The following FSTL5 variants were observed in gnomAD, a reference collection of about 807,000 sequenced individuals.
The protein encoded by FSTL5 is follistatin like 5, also known as follistatin-related protein 5.
Under a neutral mutation model 89.1 loss-of-function variants are expected in FSTL5, and 62 were observed. That is an observed-to-expected ratio of 0.70 (90% CI 0.57 to 0.86). FSTL5 has a LOEUF of 0.86. Among genes scored for constraint, FSTL5 ranks in the 40% least tolerant of loss-of-function variants. The pLI, the probability that FSTL5 is intolerant of heterozygous loss-of-function variation, is 0.00. For missense variants in FSTL5, 1,057 were observed against 1,001.6 expected, an observed-to-expected ratio of 1.06 and a Z score of -0.75; for synonymous variants, 383 against 346.2, an observed-to-expected ratio of 1.11 and a Z score of -1.18.
chr4:161,758,395 C>A (rs1311547413), intron 6 of FSTL5, among the ~76,000 whole-genome samples: 5 of 152,050 alleles, frequency 3.3e-5, no homozygotes, highest in African/African-American at 1.2e-4. Flanking sequence ...AATTTTCCTT[C>A]TTTGGTGATT....
At chr4:161,580,254 G>A (rs528994198) in intron 8 of FSTL5, among the ~76,000 whole-genome samples, 8 of 152,248 alleles carry the variant, frequency 5.3e-5, no homozygotes, top group South Asian at 4.1e-4. Context: ...TGAAGTTAAC[G>A]AATTTTTGTA....
intron 1 of FSTL5, among the ~76,000 whole-genome samples, chr4:162,154,967 A>G (rs938086743): frequency 6.6e-6 from 1 of 152,164 alleles, no homozygotes; most frequent in Non-Finnish European, 1.5e-5. Context: ...AGAAAAGCCC[A>G]GTGGCATTCA....
At chr4:161,994,717 T>A (rs997847050) in intron 3 of FSTL5, among the ~76,000 whole-genome samples, 1 of 152,228 alleles carries the variant, frequency 6.6e-6, no homozygotes, top group Admixed American at 6.5e-5. Flanking sequence ...TCCTACTTTT[T>A]AATGAGGTGT....
intron 4 of FSTL5, among the ~76,000 whole-genome samples, chr4:161,886,440 T>C (rs1195695284): frequency 1.3e-5 from 2 of 152,148 alleles, no homozygotes; most frequent in Non-Finnish European, 2.9e-5. Context: ...TTTCAGAAGC[T>C]AGATGACCAG....
rs967999680 is a variant in FSTL5 at position 161,591,857 on chromosome 4, G to A, written c.895-4282C>T. Among the ~76,000 whole-genome samples the A allele has an allele frequency of 3.9e-5, 6 of 152,208 alleles. No individual in the cohort carries two copies. In the East Asian group the frequency reaches 7.7e-4, roughly 20 times the overall value. ...TAATATTCTCTCACTTTATAGCTGG[G>A]GAGGCTAAGATGTCAAGGAAGCTAC... On this transcript the variant is annotated intron_variant, in intron 7 of 15. Coordinates refer to ENST00000306100, the MANE Select transcript of FSTL5 (RefSeq NM_020116.5).
intron 15 of FSTL5, among the ~76,000 whole-genome samples, chr4:161,432,968 C>G (rs1459898350): frequency 2.0e-5 from 3 of 151,816 alleles, no homozygotes; most frequent in Non-Finnish European, 4.4e-5. Flanking sequence ...AGCCCAGGAC[C>G]CAATGGCTTC....
intron 6 of FSTL5, among the ~76,000 whole-genome samples, chr4:161,752,837 C>G (rs1740444919): frequency 6.6e-6 from 1 of 152,096 alleles, no homozygotes; most frequent in East Asian, 1.9e-4. Context: ...GGGTCCTAAT[C>G]TGATAGGTTT....
rs999019708 is a variant in FSTL5 at position 161,555,807 on chromosome 4, A to G, written c.1016-13114T>C. Among the ~76,000 whole-genome samples the G allele has an allele frequency of 5.9e-5, 9 of 151,616 alleles. No individual in the cohort carries two copies. The South Asian group carries it at 1.2e-3, about 21-fold the overall frequency. On this transcript the variant is annotated intron_variant, in intron 8 of 15. Coordinates refer to ENST00000306100, the MANE Select transcript of FSTL5 (RefSeq NM_020116.5). Reference sequence around the variant, plus strand: ...CTCACATGTTTTGTTGTTTTTGAAAATATGAGGGGTTTTTCTGCTGGCTAC... The same window carrying G: ...CTCACATGTTTTGTTGTTTTTGAAAGTATGAGGGGTTTTTCTGCTGGCTAC...
At chr4:161,693,859 C>T (rs755762365) in intron 6 of FSTL5, among the ~76,000 whole-genome samples, 26 of 151,854 alleles carry the variant, frequency 1.7e-4, no homozygotes, top group Non-Finnish European at 2.5e-4. Context: ...AGGATGGTCT[C>T]GATCTCCTGA....
chr4:161,816,317 T>C (rs1730324312), intron 4 of FSTL5, among the ~76,000 whole-genome samples: 1 of 152,238 alleles, frequency 6.6e-6, no homozygotes, highest in Non-Finnish European at 1.5e-5. Flanking sequence ...TGTAGTTAAT[T>C]ACATATTTAT....
intron 15 of FSTL5, among the ~76,000 whole-genome samples, chr4:161,406,033 C>G (rs187186694): frequency 6.6e-6 from 1 of 152,176 alleles, no homozygotes; most frequent in Admixed American, 6.5e-5. Context: ...ATTCTTAAAG[C>G]TGTCCTGAAG....
intron 8 of FSTL5, among the ~76,000 whole-genome samples, chr4:161,564,311 T>C (rs1732723658): frequency 6.6e-6 from 1 of 150,954 alleles, no homozygotes; most frequent in South Asian, 2.1e-4. Flanking sequence ...TATAATAAAA[T>C]AATAATAGCC....
At chr4:162,147,228 A>G (rs980963659) in intron 1 of FSTL5, among the ~76,000 whole-genome samples, 1 of 151,996 alleles carries the variant, frequency 6.6e-6, no homozygotes, top group African/African-American at 2.4e-5. Context: ...TTATCTGGGA[A>G]TTAGTTTCTT....
chr4:161,870,447 G>A (rs1276788971), intron 4 of FSTL5, among the ~76,000 whole-genome samples: 4 of 152,066 alleles, frequency 2.6e-5, no homozygotes, highest in Non-Finnish European at 4.4e-5. Flanking sequence ...CAAAATATCT[G>A]AATAATAGCC....
intron 7 of FSTL5, 131 bp downstream of exon 7, chr4:161,656,197 G>T: frequency 2.2e-6 from 1 of 464,542 alleles, no homozygotes; most frequent in Non-Finnish European, 3.7e-6. Context: ...CCGTAGATTA[G>T]ATATAGCAAT....
chr4:161,434,022 T>A (rs962244263), intron 15 of FSTL5, among the ~76,000 whole-genome samples: 1 of 152,064 alleles, frequency 6.6e-6, no homozygotes, highest in African/African-American at 2.4e-5. Flanking sequence ...AAAATACCAA[T>A]GACATTCTTC....
intron 4 of FSTL5, among the ~76,000 whole-genome samples, chr4:161,806,941 T>C (rs1729987350): frequency 6.6e-6 from 1 of 152,060 alleles, no homozygotes; most frequent in South Asian, 2.1e-4. Context: ...AAAACCATAG[T>C]AGACCTATTA....
At chr4:161,647,316 A>G (rs530070686) in intron 7 of FSTL5, among the ~76,000 whole-genome samples, 30 of 152,312 alleles carry the variant, frequency 2.0e-4, no homozygotes, top group African/African-American at 7.0e-4. Context: ...ACATCTATGC[A>G]CAAACCGTGT....
intron 4 of FSTL5, among the ~76,000 whole-genome samples, chr4:161,894,455 C>T (rs1262802110): frequency 1.3e-5 from 2 of 152,040 alleles, no homozygotes; most frequent in East Asian, 1.9e-4. Flanking sequence ...AAAAAATATA[C>T]AGATGTTTCT....
Sources: allele counts gnomAD v4.1 joint callset (sites outside exome capture counted in the v4.1 genomes callset), GRCh38; gene constraint gnomAD v4.1.1; transcripts MANE v1.5; gene names NCBI Gene and HGNC (gene_info 2026-07-23, HGNC 2026-07-21).